NUP35: variants seen among roughly 807,000 people sequenced by gnomAD.
NUP35 encodes nucleoporin NUP35.
In NUP35, 25 loss-of-function variants were observed where a neutral mutation model predicts 41.5. The observed-to-expected ratio is 0.60, with a 90% CI of 0.44 to 0.84. The LOEUF (loss-of-function observed/expected upper bound fraction) is 0.84, where lower values mean the gene tolerates loss of function less well. Ranked by LOEUF, NUP35 falls within the 40% of genes least tolerant of loss-of-function variation. The pLI is 0.00. For synonymous variants in NUP35, 149 were observed against 130.7 expected (o/e 1.14, Z -0.96); for missense variants, 396 against 396.6 (o/e 1.00, Z 0.01).
chr2:183,127,529 AAGTGC>A (rs1684538431), intron 1 of NUP35, among the ~76,000 whole-genome samples: 1 of 152,218 alleles, frequency 6.6e-6, no homozygotes, highest in African/African-American at 2.4e-5. Flanking sequence ...GTTATTTTGT[AAGTGC>A]TCTAATATAT....
chr2:183,148,841 G>T (rs993638755), intron 4 of NUP35, among the ~76,000 whole-genome samples: 8 of 152,080 alleles, frequency 5.3e-5, no homozygotes, highest in Admixed American at 1.3e-4. Context: ...TGTATTTTTA[G>T]TAGAGATAAG....
At chr2:183,130,585 A>G (rs1394171106) in intron 3 of NUP35, 40 bp downstream of exon 3, 2 of 1,594,664 alleles carry the variant, frequency 1.3e-6, no homozygotes, top group Non-Finnish European at 1.7e-6. Flanking sequence ...GAACAACATC[A>G]TGGTTTTATG....
At chr2:183,159,160 A>C (rs1685778367) in intron 7 of NUP35, among the ~76,000 whole-genome samples, 1 of 152,130 alleles carries the variant, frequency 6.6e-6, no homozygotes. Flanking sequence ...ATAGCACTGG[A>C]GTTTGATTCT....
intron 4 of NUP35, among the ~76,000 whole-genome samples, chr2:183,138,265 A>ATT (rs1167656474): frequency 0.033 from 2,286 of 68,880 alleles, 68 homozygotes; most frequent in Middle Eastern, 0.048. Flanking sequence ...ATATATATAT[A>ATT]TATATTTTTT....
intron 4 of NUP35, among the ~76,000 whole-genome samples, chr2:183,146,313 A>G (rs1016460150): frequency 2.0e-5 from 3 of 152,230 alleles, no homozygotes; most frequent in Non-Finnish European, 4.4e-5. Context: ...TTTGAATTCA[A>G]ATTTAGAAAC....
At chr2:183,130,946 G>A (rs1242352060) in intron 3 of NUP35, 10 of 1,163,020 alleles carry the variant, frequency 8.6e-6, no homozygotes, top group South Asian at 1.7e-5. Flanking sequence ...TAGGGCACTC[G>A]TCAGCTGAGA....
intron 7 of NUP35, among the ~76,000 whole-genome samples, 184 bp from the exon 8 acceptor site, chr2:183,159,304 C>T (rs759608120): frequency 8.5e-5 from 13 of 152,222 alleles, no homozygotes; most frequent in Non-Finnish European, 1.6e-4. Context: ...TCTGTCTGAG[C>T]ATTCAATCTC....
At chr2:183,157,203 C>T (rs776371866) in intron 5 of NUP35, among the ~76,000 whole-genome samples, 2 of 151,904 alleles carry the variant, frequency 1.3e-5, no homozygotes, top group Non-Finnish European at 2.9e-5. Flanking sequence ...TTAGAGATTT[C>T]AGAGGTAGAA....
At chr2:183,127,350 T>C (rs997016868) in intron 1 of NUP35, among the ~76,000 whole-genome samples, 9 of 152,056 alleles carry the variant, frequency 5.9e-5, no homozygotes, top group Admixed American at 5.2e-4. Context: ...ACTCCTGAGC[T>C]CAAGTGATCC....
intron 4 of NUP35, among the ~76,000 whole-genome samples, chr2:183,144,402 T>TA (rs543091827): frequency 7.9e-5 from 12 of 152,196 alleles, no homozygotes; most frequent in Non-Finnish European, 1.5e-4. Flanking sequence ...CCTTATTACA[T>TA]ATTGTGCTAC....
At chr2:183,147,695 G>GT (rs922069322) in intron 4 of NUP35, among the ~76,000 whole-genome samples, 44 of 152,100 alleles carry the variant, frequency 2.9e-4, no homozygotes, top group African/African-American at 1.0e-3. Flanking sequence ...TTTTAGAATA[G>GT]TTTTTTATAA....
At chr2:183,128,661 T>C (rs905998900) in intron 2 of NUP35, among the ~76,000 whole-genome samples, 1 of 152,044 alleles carries the variant, frequency 6.6e-6, no homozygotes, top group Non-Finnish European at 1.5e-5. Context: ...CCAATTTGTG[T>C]TGGGCAACAT....
At chr2:183,130,940 G>T in intron 3 of NUP35, 1 of 1,151,262 alleles carries the variant, frequency 8.7e-7, no homozygotes, top group Non-Finnish European at 1.1e-6. Context: ...TAGATCTAGG[G>T]CACTCGTCAG....
rs1700118840 is a variant in NUP35, at chr2:183,124,479, C to G, written c.22C>G (p.Pro8Ala). ...CGCAATGGCAGCCTTTGCAGTGGAA[C>G]CTCAGGGGCCCGCGTTAGGTGAGTG... Reference protein sequence around the residue: MAAFAVEPQGPALGSEPM... With the variant: MAAFAVEAQGPALGSEPM... The change falls in exon 1 of 9, where the codon CCT becomes GCT. Residue 8 changes from proline to alanine, a missense_variant. Transcript: ENST00000295119. 6.2e-7 allele frequency: 1 copy of G among 1,614,072 alleles called. No individual in the cohort carries two copies. Among genetic ancestry groups the G allele is most frequent in the African/African-American group, 1.3e-5 (1 of 75,036 alleles).
intron 4 of NUP35, among the ~76,000 whole-genome samples, chr2:183,138,494 G>A (rs1382280470): frequency 6.6e-6 from 1 of 151,522 alleles, no homozygotes; most frequent in East Asian, 1.9e-4. Context: ...ATCTTTTTTA[G>A]AATATTATTT....
intron 3 of NUP35, among the ~76,000 whole-genome samples, chr2:183,131,899 A>G (rs1344132099): frequency 6.6e-6 from 1 of 152,184 alleles, no homozygotes; most frequent in East Asian, 1.9e-4. Context: ...ATGGTTTTCT[A>G]AAGGTTGATA....
chr2:183,144,472 G>T (rs2105585488), intron 4 of NUP35, among the ~76,000 whole-genome samples: 1 of 152,208 alleles, frequency 6.6e-6, no homozygotes, highest in Admixed American at 6.5e-5. Context: ...GTTTCATTTG[G>T]CTCGTATCTA....
At position 183,138,263 on chromosome 2, in the gene NUP35, A is replaced by ATTT. The variant is rs1236157351; in HGVS notation, c.397+4641_397+4642insTTT. Among the ~76,000 whole-genome samples, 223 of 67,062 alleles carry ATTT rather than the reference A, an allele frequency of 3.3e-3. 2 individuals carry two copies. The highest frequency in any genetic ancestry group is 8.5e-3 in the Middle Eastern group (1 of 118). 44.0% of individuals were successfully genotyped at this position (67,062 alleles called of 152,430 possible). ...TTTAGAGCTATATATATATATATAT[A>ATTT]TATATATTTTTTTTTTTTTTTAGCT... On this transcript the variant is annotated intron_variant, in intron 4 of 8. Coordinates refer to ENST00000295119, the MANE Select transcript of NUP35 (RefSeq NM_138285.5).
upstream of NUP35, chr2:183,124,262 C>T: frequency 1.5e-6 from 2 of 1,365,540 alleles, no homozygotes; most frequent in Non-Finnish European, 1.9e-6. Flanking sequence ...GGTGCAAAAA[C>T]CCTTTCCTCG....
Sources: gnomAD v4.1 joint callset for allele counts (sites outside exome capture counted in the v4.1 genomes callset) on GRCh38, gnomAD v4.1.1 for gene constraint, MANE v1.5 for transcripts, NCBI Gene and HGNC (gene_info 2026-07-23, HGNC 2026-07-21) for gene names.